Variants in KHDRBS3 observed in about 807,000 individuals in gnomAD.
The protein encoded by KHDRBS3 is KH domain-containing, RNA-binding, signal transduction-associated protein 3.
In KHDRBS3, 23 loss-of-function variants were observed where a neutral mutation model predicts 45.6. The observed-to-expected ratio is 0.50, with a 90% CI of 0.36 to 0.72. The LOEUF is 0.72. Ranked by LOEUF, KHDRBS3 falls within the 30% of genes least tolerant of loss-of-function variation. KHDRBS3 has a pLI of 0.00. For synonymous variants in KHDRBS3, 162 were observed against 156.5 expected, an observed-to-expected ratio of 1.04 and a Z score of -0.26; for missense variants, 352 against 424.8, an observed-to-expected ratio of 0.83 and a Z score of 1.51.
At chr8:135,644,616 C>G (rs1831205070) in intron 7 of KHDRBS3, among the ~76,000 whole-genome samples, 1 of 152,234 alleles carries the variant, frequency 6.6e-6, no homozygotes, top group South Asian at 2.1e-4. Flanking sequence ...AACATCCCAT[C>G]TATTGGAAAG....
chr8:135,648,144 TA>T (rs1327572393), downstream of KHDRBS3: 1 of 152,250 alleles, frequency 6.6e-6, no homozygotes, highest in Non-Finnish European at 1.5e-5. Context: ...AATAAGATTT[TA>T]ATCTCACTTA....
chr8:135,548,315 A>G (rs1358887010), intron 3 of KHDRBS3, among the ~76,000 whole-genome samples: 3 of 152,216 alleles, frequency 2.0e-5, no homozygotes, highest in Non-Finnish European at 4.4e-5. Flanking sequence ...GTTATTTCAG[A>G]TAGTGATAAG....
intron 7 of KHDRBS3, among the ~76,000 whole-genome samples, chr8:135,629,609 A>G (rs1253451602): frequency 6.6e-6 from 1 of 152,230 alleles, no homozygotes; most frequent in Non-Finnish European, 1.5e-5. Context: ...ACTGCATGCT[A>G]GGTCTCCATA....
chr8:135,537,007 T>C (rs1305540590), intron 2 of KHDRBS3, among the ~76,000 whole-genome samples: 1 of 129,438 alleles, frequency 7.7e-6, no homozygotes, highest in Non-Finnish European at 1.6e-5. Context: ...AGGAGATGTT[T>C]AGGAGGTAAA....
intron 5 of KHDRBS3, among the ~76,000 whole-genome samples, chr8:135,571,581 T>A (rs1040131226): frequency 8.5e-5 from 13 of 152,106 alleles, no homozygotes; most frequent in Admixed American, 5.2e-4. Context: ...AAGAGTGCCA[T>A]GAAAATACAA....
chr8:135,640,541 G>A (rs1216445103), intron 7 of KHDRBS3, among the ~76,000 whole-genome samples: 3 of 152,170 alleles, frequency 2.0e-5, no homozygotes, highest in Non-Finnish European at 4.4e-5. Flanking sequence ...AGAGGGACAT[G>A]CTGTCTCCTG....
intron 6 of KHDRBS3, among the ~76,000 whole-genome samples, chr8:135,583,447 G>GGACTC (rs1828312332): frequency 6.6e-6 from 1 of 152,154 alleles, no homozygotes; most frequent in Non-Finnish European, 1.5e-5. Context: ...AAAGTATCAG[G>GGACTC]GACTCTAAAG....
At chr8:135,611,642 A>G (rs1399019923) in intron 7 of KHDRBS3, among the ~76,000 whole-genome samples, 1 of 151,814 alleles carries the variant, frequency 6.6e-6, no homozygotes, top group East Asian at 1.9e-4. Flanking sequence ...TTTTGTATCC[A>G]AATTTTCTTT....
intron 7 of KHDRBS3, among the ~76,000 whole-genome samples, chr8:135,620,185 T>C (rs1040253979): frequency 2.6e-5 from 4 of 151,648 alleles, no homozygotes; most frequent in African/African-American, 9.7e-5. Flanking sequence ...CGATTCTCCA[T>C]CCTCAGCCTC....
intron 5 of KHDRBS3, among the ~76,000 whole-genome samples, chr8:135,575,201 G>T (rs1425923074): frequency 6.6e-6 from 1 of 152,162 alleles, no homozygotes; most frequent in East Asian, 1.9e-4. Flanking sequence ...TACTGCATTA[G>T]ACATATTATA....
At position 135,521,840 on chromosome 8, in the gene KHDRBS3, A is replaced by AAT. The variant is rs563167873; in HGVS notation, c.207+490_207+491dup. Reference sequence around the variant, plus strand: ...TTGATGAATAATAATCTGTTACCTGAATATATCATTGTTGTTTATCCATTT... The same window carrying AAT: ...TTGATGAATAATAATCTGTTACCTGAATATATATCATTGTTGTTTATCCATTT... On this transcript the variant is annotated intron_variant, in intron 2 of 8. Transcript: ENST00000355849. Among the ~76,000 whole-genome samples the AAT allele has an allele frequency of 4.2e-4, 64 of 152,228 alleles. 1 individual carries two copies. In the East Asian group the frequency reaches 0.012, roughly 29 times the overall value.
intron 6 of KHDRBS3, among the ~76,000 whole-genome samples, chr8:135,601,716 C>T (rs1019240437): frequency 1.3e-5 from 2 of 152,158 alleles, no homozygotes; most frequent in Admixed American, 1.3e-4. Context: ...CAGGTCTTGG[C>T]AAGCTTTTTA....
intron 7 of KHDRBS3, among the ~76,000 whole-genome samples, chr8:135,615,606 C>G (rs1829884628): frequency 6.6e-6 from 1 of 152,040 alleles, no homozygotes; most frequent in African/African-American, 2.4e-5. Flanking sequence ...GGGCAGACTT[C>G]TTAAAAAATT....
intron 6 of KHDRBS3, among the ~76,000 whole-genome samples, chr8:135,586,839 T>C (rs1307245984): frequency 1.3e-5 from 2 of 152,132 alleles, no homozygotes; most frequent in East Asian, 1.9e-4. Flanking sequence ...GAATAAAAGA[T>C]GAAAAAAGAT....
At chr8:135,647,661 G>A (rs980867803), downstream of KHDRBS3, 1 of 152,276 alleles carries the variant, frequency 6.6e-6, no homozygotes, top group Non-Finnish European at 1.5e-5. Flanking sequence ...ATTTAAAAAG[G>A]CCTTCATAAA....
intron 2 of KHDRBS3, among the ~76,000 whole-genome samples, chr8:135,525,223 A>G (rs992505735): frequency 1.2e-4 from 19 of 152,154 alleles, no homozygotes; most frequent in African/African-American, 4.1e-4. Flanking sequence ...AACTGTGTCT[A>G]TTGGGTAAGA....
chr8:135,584,705 C>T (rs1828380618), intron 6 of KHDRBS3, among the ~76,000 whole-genome samples: 1 of 152,192 alleles, frequency 6.6e-6, no homozygotes, highest in Non-Finnish European at 1.5e-5. Context: ...CTTACAGTGG[C>T]TTGCCATCAG....
intron 6 of KHDRBS3, among the ~76,000 whole-genome samples, chr8:135,588,525 G>A (rs886924528): frequency 2.0e-5 from 3 of 152,086 alleles, no homozygotes; most frequent in African/African-American, 2.4e-5. Flanking sequence ...GAGGTCAAAG[G>A]TGGGACAGCA....
intron 8 of KHDRBS3, 71 bp from the exon 9 acceptor site, chr8:135,646,922 T>TA (rs1831313590): frequency 1.2e-6 from 1 of 841,896 alleles, no homozygotes; most frequent in East Asian, 2.4e-5. Context: ...AGGGCTAAGT[T>TA]AGAGTCTGAA....
Sources: allele counts gnomAD v4.1 joint callset (sites outside exome capture counted in the v4.1 genomes callset), GRCh38; gene constraint gnomAD v4.1.1; transcripts MANE v1.5; gene names NCBI Gene and HGNC (gene_info 2026-07-23, HGNC 2026-07-21).